Variants in PDHX observed in about 807,000 individuals in gnomAD.
PDHX encodes pyruvate dehydrogenase complex component X, also known as pyruvate dehydrogenase protein X component, mitochondrial.
Under a neutral mutation model 55.3 loss-of-function variants are expected in PDHX, and 33 were observed. The observed-to-expected ratio is 0.60, with a 90% confidence interval of 0.45 to 0.80. PDHX has a LOEUF of 0.80. Ranked by LOEUF, PDHX falls within the 30% of genes least tolerant of loss-of-function variation. The probability of loss-of-function intolerance (pLI) is 0.00; values close to 1 mark genes in which losing one functional copy is unlikely to be tolerated. For missense variants in PDHX, 622 were observed against 619.9 expected, an observed-to-expected ratio of 1.00 and a Z score of -0.04; for synonymous variants, 226 against 219.4, an observed-to-expected ratio of 1.03 and a Z score of -0.27.
In PDHX at chr11:34,984,569, G is replaced by A. The variant is rs724159830; in HGVS notation, c.1024-1G>A. 1 of 1,613,530 alleles carries A rather than the reference G, an allele frequency of 6.2e-7. No homozygotes were observed. Among genetic ancestry groups the A allele is most frequent in the Non-Finnish European group, 8.5e-7 (1 of 1,179,800 alleles). ...TAACATTTTTCTTTTTCTATTTCTA[G>A]CAAATGCCAGATGTTAATGTAAGCT... On this transcript the variant is annotated splice_acceptor_variant, in intron 8 of 10. Transcript: ENST00000227868. LOFTEE classifies it high-confidence loss of function.
chr11:34,991,414 T>C (rs1426753016), intron 9 of PDHX, among the ~76,000 whole-genome samples: 1 of 152,144 alleles, frequency 6.6e-6, no homozygotes, highest in East Asian at 1.9e-4. Flanking sequence ...GGAACAAACA[T>C]TAAAAAATCA....
intron 7 of PDHX, among the ~76,000 whole-genome samples, chr11:34,974,888 A>G (rs924505585): frequency 1.3e-5 from 2 of 152,204 alleles, no homozygotes; most frequent in Non-Finnish European, 2.9e-5. Context: ...AGCCTGGCTC[A>G]TAGAGCAAGA....
At chr11:34,945,793 A>G (rs1854607081) in intron 2 of PDHX, among the ~76,000 whole-genome samples, 2 of 152,236 alleles carry the variant, frequency 1.3e-5, no homozygotes, top group Non-Finnish European at 2.9e-5. Flanking sequence ...TAAATTTTGT[A>G]TACATGTATA....
intron 2 of PDHX, among the ~76,000 whole-genome samples, chr11:34,935,451 GA>G (rs1466375861): frequency 7.2e-5 from 11 of 152,190 alleles, no homozygotes; most frequent in Non-Finnish European, 1.5e-4. Flanking sequence ...TAATGTGAAG[GA>G]AGCTGGGCTT....
At chr11:34,975,413 A>AT (rs1013827881) in intron 7 of PDHX, among the ~76,000 whole-genome samples, 4 of 151,302 alleles carry the variant, frequency 2.6e-5, no homozygotes, top group Admixed American at 6.6e-5. Flanking sequence ...TAAATGCTCT[A>AT]TTTTTTTTGT....
Position 34,931,403 on chromosome 11 carries a change from G to A in PDHX, c.161-1G>A. 2 of 1,563,038 alleles carry A rather than the reference G, an allele frequency of 1.3e-6. No homozygotes were observed. The highest frequency in any genetic ancestry group is 2.2e-5 in the East Asian group (1 of 44,512). ...TCATCTTTCCTTTTTTTCAATTTCAGGTGATCCCATTAAGATACTAATGCC... is the reference window on the plus strand; with the variant it reads ...TCATCTTTCCTTTTTTTCAATTTCAAGTGATCCCATTAAGATACTAATGCC... On this transcript the variant is annotated splice_acceptor_variant, in intron 1 of 10. Transcript: ENST00000227868. LOFTEE classifies it high-confidence loss of function.
intron 5 of PDHX, among the ~76,000 whole-genome samples, chr11:34,963,505 C>G (rs1855063734): frequency 6.6e-6 from 1 of 152,116 alleles, no homozygotes; most frequent in South Asian, 2.1e-4. Context: ...GTCTCAAGCT[C>G]TTGGCCTCAG....
rs146748152 is a variant in PDHX at position 34,984,835 on chromosome 11, G to C, written c.1182+107G>C. ...TCTAGTCAGACTGTGATTTTTGTGT[G>C]TGTGAAGGGGAGAGTTATTTCATCA... On this transcript the variant is annotated intron_variant, in intron 9 of 10. Coordinates refer to ENST00000227868, the MANE Select transcript of PDHX (RefSeq NM_003477.3). 4.1e-5 allele frequency: 43 copies of C among 1,046,314 alleles called. No individual in the cohort carries two copies. In the African/African-American group the frequency reaches 5.8e-4, roughly 14 times the overall value. The allele number at this position is 1,046,314 out of a possible 1,614,324, so 64.8% of individuals were successfully genotyped here. A position where few individuals can be genotyped will look rare whatever the true frequency, so the allele number is the denominator to read the frequency against.
intron 1 of PDHX, among the ~76,000 whole-genome samples, chr11:34,921,894 C>T (rs1853889694): frequency 6.6e-6 from 1 of 152,180 alleles, no homozygotes; most frequent in African/African-American, 2.4e-5. Flanking sequence ...ACTATATTTG[C>T]ATTACTTCTA....
chr11:34,964,921 G>A (rs192307080), intron 5 of PDHX, among the ~76,000 whole-genome samples: 131 of 149,552 alleles, frequency 8.8e-4, no homozygotes, highest in African/African-American at 3.2e-3. Context: ...CTAAAAATGT[G>A]TCAATTTAGT....
chr11:34,919,305 T>A (rs1853816857), intron 1 of PDHX, among the ~76,000 whole-genome samples: 1 of 152,226 alleles, frequency 6.6e-6, no homozygotes, highest in Non-Finnish European at 1.5e-5. Context: ...GTGTTTTTTC[T>A]CTGAGCTTGG....
In PDHX at chr11:34,984,737, T is replaced by C; in HGVS notation, c.1182+9T>C. 1 of 1,612,804 alleles carries C rather than the reference T, an allele frequency of 6.2e-7. No homozygotes were observed. Among genetic ancestry groups the C allele is most frequent in the East Asian group, 2.2e-5 (1 of 44,852 alleles). On this transcript the variant is annotated intron_variant, in intron 9 of 10. Coordinates refer to ENST00000227868, the MANE Select transcript of PDHX (RefSeq NM_003477.3). ...TTGCTGACTCTGTAAAGGTATGTCT[T>C]AAGAAAGAGTGTGCTTTCAAAATGT...
chr11:34,920,016 T>A (rs1392901293), intron 1 of PDHX, among the ~76,000 whole-genome samples: 2 of 151,832 alleles, frequency 1.3e-5, no homozygotes, highest in Non-Finnish European at 2.9e-5. Context: ...TCAGAGGGGG[T>A]AAGTTTGAAA....
At chr11:34,922,030 ATGAC>A (rs1002459902) in intron 1 of PDHX, among the ~76,000 whole-genome samples, 6 of 152,208 alleles carry the variant, frequency 3.9e-5, no homozygotes, top group African/African-American at 1.4e-4. Context: ...TGTGCACGTG[ATGAC>A]ATCCAGAGGA....
At chr11:34,918,223 G>A (rs1018429033) in intron 1 of PDHX, among the ~76,000 whole-genome samples, 1 of 151,512 alleles carries the variant, frequency 6.6e-6, no homozygotes, top group Admixed American at 6.6e-5. Context: ...GATTGCTAGA[G>A]CCCAGGAGTT....
At chr11:34,916,314 A>G (rs567329509), upstream of PDHX, 151 of 1,609,870 alleles carry the variant, frequency 9.4e-5, 1 homozygote, top group East Asian at 3.3e-3. Context: ...CGCGGCCTCC[A>G]ATCTCCGCAC....
chr11:34,917,687 AG>A (rs1565144945), intron 1 of PDHX, among the ~76,000 whole-genome samples: 1 of 152,150 alleles, frequency 6.6e-6, no homozygotes, highest in East Asian at 1.9e-4. Context: ...CCTTAGGCTC[AG>A]AAAAAAAAAA....
intron 1 of PDHX, among the ~76,000 whole-genome samples, chr11:34,923,858 G>A (rs532383051): frequency 3.3e-3 from 498 of 152,292 alleles, no homozygotes; most frequent in African/African-American, 0.011. Context: ...GAGCACTGAA[G>A]GTAAAACATT....
chr11:34,978,053 T>G lies in PDHX; in HGVS notation c.965-71T>G, dbSNP rs548928157. On this transcript the variant is annotated intron_variant, in intron 7 of 10. Transcript: ENST00000227868. ...TCAGTACATTCCATAATTTACAAGT[T>G]TGAAGTTGTAATGGTCAATGTTAAA... The G allele has an allele frequency of 2.8e-5, 23 of 831,552 alleles. No homozygotes were observed. The African/African-American group carries it at 3.9e-4, about 14-fold the overall frequency. 51.5% of individuals were successfully genotyped at this position (831,552 alleles called of 1,614,324 possible). A position where few individuals can be genotyped will look rare whatever the true frequency, so the allele number is the denominator to read the frequency against.
Sources: gnomAD v4.1 joint callset for allele counts (sites outside exome capture counted in the v4.1 genomes callset) on GRCh38, gnomAD v4.1.1 for gene constraint, MANE v1.5 for transcripts, NCBI Gene and HGNC (gene_info 2026-07-23, HGNC 2026-07-21) for gene names.